VPS35L: variants seen among roughly 807,000 people sequenced by gnomAD.
VPS35L encodes the protein VPS35 endosomal protein sorting factor like, also known as VPS35 endosomal protein-sorting factor-like.
In VPS35L, 83 loss-of-function variants were observed where a neutral mutation model predicts 133.0. The ratio of observed to expected loss-of-function variants is 0.62; its 90% CI spans 0.52 to 0.75. The LOEUF is 0.75. Among genes scored for constraint, VPS35L ranks in the 30% least tolerant of loss-of-function variants. The pLI is 0.00. For missense variants in VPS35L, 1,083 were observed against 1,206.8 expected, an observed-to-expected ratio of 0.90 and a Z score of 1.52; for synonymous variants, 423 against 449.9, an observed-to-expected ratio of 0.94 and a Z score of 0.76.
chr16:19,581,991 G>T, intron 7 of VPS35L: 1 of 218,390 alleles, frequency 4.6e-6, no homozygotes, highest in Non-Finnish European at 9.0e-6. Context: ...ACACACTAAA[G>T]ATTGAGCAAC....
chr16:19,678,503 A>C (rs1403770247), intron 27 of VPS35L, among the ~76,000 whole-genome samples: 6 of 144,682 alleles, frequency 4.1e-5, no homozygotes, highest in Non-Finnish European at 6.0e-5. Flanking sequence ...TTTTGAGAGG[A>C]GTCTCGCTCT....
rs377466344 is a variant in VPS35L, at chr16:19,601,726, A to G, written c.784+3A>G. On this transcript the variant is annotated splice_donor_region_variant and intron_variant, in intron 9 of 30. Coordinates refer to ENST00000417362, the MANE Select transcript of VPS35L (RefSeq NM_020314.7). ...GGATAGCCGCAGCGTCTTACCAGGT[A>G]ATGTCGCAGCTGTTCCTGGGGTGTC... 4.3e-6 allele frequency: 7 copies of G among 1,613,954 alleles called. No individual in the cohort carries two copies. Among genetic ancestry groups the G allele is most frequent in the African/African-American group, 2.7e-5 (2 of 74,930 alleles).
chr16:19,601,536 G>A, intron 8 of VPS35L, 128 bp from the exon 9 acceptor site: 1 of 819,318 alleles, frequency 1.2e-6, no homozygotes, highest in South Asian at 1.9e-5. Context: ...CCACCAGGTG[G>A]CAGCATACCA....
intron 2 of VPS35L, among the ~76,000 whole-genome samples, chr16:19,566,450 C>T (rs769795789): frequency 6.6e-6 from 1 of 152,114 alleles, no homozygotes; most frequent in Non-Finnish European, 1.5e-5. Context: ...GAGCTAAGAT[C>T]ACGCCACTGC....
chr16:19,576,764 T>C (rs1971552480), intron 5 of VPS35L, among the ~76,000 whole-genome samples: 1 of 151,760 alleles, frequency 6.6e-6, no homozygotes, highest in African/African-American at 2.4e-5. Context: ...GGAATTTTGC[T>C]CTGTCACCCA....
intron 7 of VPS35L, among the ~76,000 whole-genome samples, chr16:19,588,885 C>T (rs979933708): frequency 2.6e-5 from 4 of 152,208 alleles, no homozygotes; most frequent in Non-Finnish European, 5.9e-5. Context: ...TGCCAGCATA[C>T]GCTTGTAGTA....
intron 7 of VPS35L, among the ~76,000 whole-genome samples, chr16:19,589,341 T>C (rs1597334890): frequency 6.6e-6 from 1 of 152,176 alleles, no homozygotes; most frequent in Admixed American, 6.6e-5. Flanking sequence ...CTTCCCTCGC[T>C]CAAGTGATTC....
intron 5 of VPS35L, among the ~76,000 whole-genome samples, chr16:19,577,949 C>T (rs1971586381): frequency 6.6e-6 from 1 of 152,198 alleles, no homozygotes; most frequent in East Asian, 1.9e-4. Context: ...ATAAGCCACC[C>T]ACTTTGTAGC....
chr16:19,599,649 C>T (rs936332411), intron 8 of VPS35L, among the ~76,000 whole-genome samples: 3 of 152,006 alleles, frequency 2.0e-5, no homozygotes, highest in Admixed American at 6.6e-5. Flanking sequence ...TACACGCGTG[C>T]ACCACCACGC....
rs776234597 is a variant in VPS35L at position 19,593,917 on chromosome 16, CA to C, written c.724+2055del. Among the ~76,000 whole-genome samples, 427 of 123,604 alleles carry C rather than the reference CA, an allele frequency of 3.5e-3. 1 individual carries two copies. Among genetic ancestry groups the C allele is most frequent in the East Asian group, 7.7e-3 (33 of 4,278 alleles). The allele number at this position is 123,604 out of a possible 152,430, so 81.1% of individuals were successfully genotyped here. ...GGGCGACAGGGCGAGACTCCGTCTC[CA>C]AAAAAAAAAAAGAAAAGAGAAAAAA... On this transcript the variant is annotated intron_variant, in intron 8 of 30. Coordinates refer to ENST00000417362, the MANE Select transcript of VPS35L (RefSeq NM_020314.7).
chr16:19,630,018 C>CGT (rs1973395676), intron 18 of VPS35L, among the ~76,000 whole-genome samples, 198 bp downstream of exon 18: 4 of 152,094 alleles, frequency 2.6e-5, no homozygotes, highest in Admixed American at 1.3e-4. Context: ...TCCATGTTTA[C>CGT]ATTTAAGTTT....
Position 19,630,111 on chromosome 16 carries a change from C to T in VPS35L, c.1554+291C>T, listed in dbSNP as rs571845439. Among the ~76,000 whole-genome samples, 21 of 152,072 alleles carry T rather than the reference C, an allele frequency of 1.4e-4. 1 individual carries two copies. Among genetic ancestry groups the T allele is most frequent in the East Asian group, 7.7e-4 (4 of 5,178 alleles). Reference sequence around the variant, plus strand: ...GATGCTTACATGCTAAAGTGCATTGCGACTGTACATCAGAGTCTAGTAAGC... The same window carrying T: ...GATGCTTACATGCTAAAGTGCATTGTGACTGTACATCAGAGTCTAGTAAGC... On this transcript the variant is annotated intron_variant, in intron 18 of 30. Transcript: ENST00000417362.
chr16:19,699,727 A>G lies in VPS35L; in HGVS notation c.2793+79A>G. 6 of 1,566,930 alleles carry G rather than the reference A, an allele frequency of 3.8e-6. No homozygotes were observed. The highest frequency in any genetic ancestry group is 4.3e-6 in the Non-Finnish European group (5 of 1,150,446). ...CCCTCAACACAGCATTGTGGCCTGGACATCAGACAGACAACCCCATACTCC... is the reference window on the plus strand; with the variant it reads ...CCCTCAACACAGCATTGTGGCCTGGGCATCAGACAGACAACCCCATACTCC... On this transcript the variant is annotated intron_variant, in intron 30 of 30. Transcript: ENST00000417362. This position sits in a 1 kb window ranked among gnomAD's most constrained non-coding sequence, Gnocchi z 4.2.
intron 19 of VPS35L, among the ~76,000 whole-genome samples, chr16:19,636,296 C>CAAAA (rs1973621744): frequency 6.6e-6 from 1 of 152,066 alleles, no homozygotes; most frequent in Non-Finnish European, 1.5e-5. Flanking sequence ...TATTAAATTG[C>CAAAA]TGGCTTTTGT....
intron 27 of VPS35L, among the ~76,000 whole-genome samples, chr16:19,680,862 G>A (rs1374212501): frequency 6.6e-6 from 1 of 152,036 alleles, no homozygotes; most frequent in Non-Finnish European, 1.5e-5. Flanking sequence ...AGCTGTGATT[G>A]TGCCACTGTA....
chr16:19,656,156 C>T (rs1028379289), intron 26 of VPS35L, among the ~76,000 whole-genome samples: 2 of 149,714 alleles, frequency 1.3e-5, no homozygotes, highest in Admixed American at 6.7e-5. Flanking sequence ...TCCAGCTATT[C>T]AGGAGGCTGA....
At chr16:19,697,624 G>A (rs562534422) in intron 29 of VPS35L, among the ~76,000 whole-genome samples, 1 of 152,100 alleles carries the variant, frequency 6.6e-6, no homozygotes, top group Non-Finnish European at 1.5e-5. Context: ...AACGTTGGAT[G>A]GATAGACGGT....
chr16:19,682,471 T>A, intron 28 of VPS35L, 81 bp downstream of exon 28: 1 of 1,449,056 alleles, frequency 6.9e-7, no homozygotes, highest in Admixed American at 2.1e-5. Context: ...TTCTCTTTTA[T>A]TTTTTCCTCC....
intron 8 of VPS35L, among the ~76,000 whole-genome samples, chr16:19,601,055 A>G (rs1231012642): frequency 6.6e-6 from 1 of 152,102 alleles, no homozygotes; most frequent in Non-Finnish European, 1.5e-5. Context: ...CAGCCTCCCA[A>G]GTAGCTGAAA....
Sources: allele counts gnomAD v4.1 joint callset (sites outside exome capture counted in the v4.1 genomes callset), GRCh38; gene constraint gnomAD v4.1.1; non-coding constraint Gnocchi (gnomAD v3.1); transcripts MANE v1.5; gene names NCBI Gene and HGNC (gene_info 2026-07-23, HGNC 2026-07-21).